Variants in MPHOSPH9 observed in about 807,000 individuals in gnomAD.
MPHOSPH9 encodes the protein M-phase phosphoprotein 9.
A neutral mutation model predicts 145.5 loss-of-function variants in MPHOSPH9; 88 were observed. The observed-to-expected ratio is 0.60, with a 90% confidence interval of 0.51 to 0.72. The LOEUF is 0.72. MPHOSPH9 is among the 30% of genes least tolerant of loss of function. The pLI is 0.00. For synonymous variants in MPHOSPH9, 435 were observed against 486.2 expected (o/e 0.89, Z 1.39); for missense variants, 1,238 against 1,386.6 (o/e 0.89, Z 1.70).
intron 13 of MPHOSPH9, 38 bp downstream of exon 13, chr12:123,194,348 C>G: frequency 8.0e-7 from 1 of 1,257,432 alleles, no homozygotes; most frequent in Non-Finnish European, 1.1e-6. Flanking sequence ...TTACTTTTAG[C>G]CAATCACGTC....
intron 15 of MPHOSPH9, among the ~76,000 whole-genome samples, chr12:123,177,460 C>A (rs1014157465): frequency 6.6e-6 from 1 of 151,662 alleles, no homozygotes; most frequent in Non-Finnish European, 1.5e-5. Context: ...GGCTTGAACC[C>A]GGGAGGCGGA....
intron 7 of MPHOSPH9, among the ~76,000 whole-genome samples, chr12:123,213,826 C>T (rs1030407437): frequency 6.6e-6 from 1 of 152,158 alleles, no homozygotes; most frequent in African/African-American, 2.4e-5. Flanking sequence ...CATGATGTGA[C>T]TTAACTTTTC....
chr12:123,169,267 G>A (rs1012137732), intron 16 of MPHOSPH9, among the ~76,000 whole-genome samples: 14 of 151,440 alleles, frequency 9.2e-5, no homozygotes, highest in Admixed American at 3.9e-4. Context: ...AGGCCAAGGC[G>A]GGCAGATAAC....
chr12:123,219,703 T>C (rs971944688), intron 5 of MPHOSPH9, among the ~76,000 whole-genome samples: 2 of 152,190 alleles, frequency 1.3e-5, no homozygotes, highest in Non-Finnish European at 2.9e-5. Context: ...TCAATCATTA[T>C]ACTTGAACAT....
At chr12:123,225,872 C>A (rs766802678) in intron 3 of MPHOSPH9, among the ~76,000 whole-genome samples, 1 of 152,244 alleles carries the variant, frequency 6.6e-6, no homozygotes, top group East Asian at 1.9e-4. Context: ...CCCTTCTCTA[C>A]TAAAAATACA....
chr12:123,152,371 G>GAT (rs1354866037), downstream of MPHOSPH9: 1 of 335,862 alleles, frequency 3.0e-6, no homozygotes, highest in East Asian at 8.2e-5. Flanking sequence ...AAGAAAGAGA[G>GAT]ATGGTCCCTG....
intron 17 of MPHOSPH9, 147 bp from the exon 18 acceptor site, chr12:123,165,624 G>A: frequency 1.4e-6 from 1 of 700,804 alleles, no homozygotes; most frequent in Non-Finnish European, 2.3e-6. Flanking sequence ...AATTAGGGTT[G>A]GATGAGGTCA....
chr12:123,156,779 A>T lies in MPHOSPH9; in HGVS notation c.*28T>A. ...TAATTATACATTAGTGCAAACAAAA[A>T]TGTCTCAAAATTTAATGGCTACAAA... On this transcript the variant is annotated 3_prime_UTR_variant, in exon 24 of 24. Transcript: ENST00000606320. 3.2e-6 allele frequency: 5 copies of T among 1,579,680 alleles called. No individual in the cohort carries two copies. The highest frequency in any genetic ancestry group is 4.3e-6 in the Non-Finnish European group (5 of 1,151,724).
At chr12:123,184,294 C>G (rs2045335886) in intron 13 of MPHOSPH9, among the ~76,000 whole-genome samples, 1 of 151,858 alleles carries the variant, frequency 6.6e-6, no homozygotes, top group African/African-American at 2.4e-5. Context: ...AGGTCCCAGG[C>G]AAGAGACTGT....
At chr12:123,164,311 A>C (rs2044224221) in intron 18 of MPHOSPH9, among the ~76,000 whole-genome samples, 1 of 152,198 alleles carries the variant, frequency 6.6e-6, no homozygotes, top group Non-Finnish European at 1.5e-5. Context: ...AAAATATGGG[A>C]GTTTATAATG....
At chr12:123,152,613 A>G (rs758755491), downstream of MPHOSPH9, 9 of 456,396 alleles carry the variant, frequency 2.0e-5, no homozygotes, top group African/African-American at 1.4e-4. Context: ...GATTCCTCAC[A>G]TATCTGAGGG....
In MPHOSPH9 at chr12:123,221,939, A is replaced by G. The variant is rs746146920; in HGVS notation, c.349-44T>C. The G allele has an allele frequency of 3.9e-6, 4 of 1,031,196 alleles. No homozygotes were observed. The South Asian group carries it at 6.7e-5, about 17-fold the overall frequency. 63.9% of individuals were successfully genotyped at this position (1,031,196 alleles called of 1,614,324 possible). A position where few individuals can be genotyped will look rare whatever the true frequency, so the allele number is the denominator to read the frequency against. ...AGATTTGGGTAAGAAAGTATATTAA[A>G]CATCATATTTTTATGACTGTTACAA... On this transcript the variant is annotated intron_variant, in intron 4 of 23. Transcript: ENST00000606320.
intron 13 of MPHOSPH9, among the ~76,000 whole-genome samples, chr12:123,182,857 TGA>T (rs761918453): frequency 3.3e-5 from 5 of 151,952 alleles, no homozygotes; most frequent in Non-Finnish European, 4.4e-5. Context: ...TAGGTTGTAG[TGA>T]GCTGAGAGGG....
intron 5 of MPHOSPH9, among the ~76,000 whole-genome samples, chr12:123,218,745 A>C (rs2047074826): frequency 6.6e-6 from 1 of 152,090 alleles, no homozygotes; most frequent in Admixed American, 6.6e-5. Flanking sequence ...ACTGGTCTCA[A>C]ACTCCTGACC....
chr12:123,154,084 C>T (rs896924732), downstream of MPHOSPH9: 8 of 152,184 alleles, frequency 5.3e-5, no homozygotes, highest in Non-Finnish European at 2.9e-5. Context: ...ATTTCCATAC[C>T]TCAGGAGTAG....
chr12:123,172,927 G>A (rs1355642134), intron 16 of MPHOSPH9, among the ~76,000 whole-genome samples: 1 of 121,102 alleles, frequency 8.3e-6, no homozygotes, highest in Non-Finnish European at 1.6e-5. Context: ...TGTCACCCAG[G>A]CTGGAGTGCA....
In MPHOSPH9 at chr12:123,210,114, G is replaced by A. The variant is rs764786492; in HGVS notation, c.1136C>T (p.Pro379Leu). ...TATGAACGTCTTCTCTAAAGTTTCA[G>A]GCAAAGAGTGGTGCATATCCTTTTC... ...LEEKDMHHSLPETLEKTFISL... is the reference protein window; with the variant it reads ...LEEKDMHHSLLETLEKTFISL... The change falls in exon 8 of 24, where the codon CCT becomes CTT. Residue 379 changes from proline (P) to leucine (L), a missense_variant. Pro to Leu is a moderately conservative substitution (Grantham distance 98). Around this residue, in one of 3 missense-constraint regions of MPHOSPH9, gnomAD observed 837 missense variants for 897.5 expected, o/e 0.93. Transcript: ENST00000606320. 1.9e-6 allele frequency: 3 copies of A among 1,611,310 alleles called. No individual in the cohort carries two copies. Among genetic ancestry groups the A allele is most frequent in the Non-Finnish European group, 2.5e-6 (3 of 1,178,632 alleles).
chr12:123,219,980 T>C (rs1173664271), intron 5 of MPHOSPH9, among the ~76,000 whole-genome samples: 2 of 151,832 alleles, frequency 1.3e-5, no homozygotes, highest in African/African-American at 2.4e-5. Context: ...ACTACTAAAC[T>C]CTCAGGAGTT....
intron 13 of MPHOSPH9, among the ~76,000 whole-genome samples, chr12:123,187,412 G>T (rs577738512): frequency 2.6e-5 from 4 of 152,106 alleles, no homozygotes; most frequent in African/African-American, 9.7e-5. Flanking sequence ...CCACGTTCAT[G>T]TATGGGAAGA....
Sources: gnomAD v4.1 joint callset for allele counts (sites outside exome capture counted in the v4.1 genomes callset) on GRCh38, gnomAD v4.1.1 for gene constraint, gnomAD v4.1.1 regional missense constraint, MANE v1.5 for transcripts, NCBI Gene and HGNC (gene_info 2026-07-23, HGNC 2026-07-21) for gene names.